CTCFL: variants seen among roughly 807,000 people sequenced by gnomAD.
The protein encoded by CTCFL is CCCTC-binding factor like.
A neutral mutation model predicts 67.4 loss-of-function variants in CTCFL; 36 were observed. The ratio of observed to expected loss-of-function variants is 0.53; its 90% confidence interval spans 0.41 to 0.71. The LOEUF is 0.71. Among genes scored for constraint, CTCFL ranks in the 30% least tolerant of loss-of-function variants. CTCFL has a pLI of 0.00. For synonymous variants in CTCFL, 324 were observed against 302.3 expected, an observed-to-expected ratio of 1.07 and a Z score of -0.75; for missense variants, 786 against 835.2, an observed-to-expected ratio of 0.94 and a Z score of 0.73.
intron 10 of CTCFL, among the ~76,000 whole-genome samples, chr20:57,501,542 G>A (rs887644925): frequency 2.0e-5 from 3 of 152,176 alleles, no homozygotes; most frequent in Admixed American, 6.5e-5. Context: ...TGGTATAAAG[G>A]AATCCAAATG....
At chr20:57,516,615 A>G (rs181417174) in intron 5 of CTCFL, among the ~76,000 whole-genome samples, 45 of 152,354 alleles carry the variant, frequency 3.0e-4, no homozygotes, top group Admixed American at 7.8e-4. Context: ...CCTCATGGTC[A>G]CAAGTCCTGC....
chr20:57,521,560 C>T (rs554930718), intron 3 of CTCFL, among the ~76,000 whole-genome samples: 2 of 152,316 alleles, frequency 1.3e-5, no homozygotes, highest in East Asian at 3.9e-4. Flanking sequence ...AGCAATTCCA[C>T]TCCTAAGTAT....
chr20:57,522,022 G>T (rs1470509207), intron 3 of CTCFL, among the ~76,000 whole-genome samples: 1 of 152,186 alleles, frequency 6.6e-6, no homozygotes, highest in Non-Finnish European at 1.5e-5. Context: ...CTACAAATTT[G>T]AATATATCAA....
intron 10 of CTCFL, 28 bp from the exon 11 acceptor site, chr20:57,498,729 T>C (rs763806247): frequency 6.3e-7 from 1 of 1,586,066 alleles, no homozygotes; most frequent in South Asian, 1.1e-5. Flanking sequence ...GATGAGCAAA[T>C]TTATCAGAAA....
rs755019448 is a variant in CTCFL, at chr20:57,523,981, G to A, written c.225C>T (p.Ser75=). The A allele has an allele frequency of 6.2e-7, 1 of 1,613,130 alleles. No individual in the cohort carries two copies. The highest frequency in any genetic ancestry group is 1.7e-5 in the Admixed American group (1 of 60,016). ...TCTGCAGGGTCAGGATGTACTTCTC[G>A]CTCTCCTCCGAGGGGGCCAGCACCA... ...VELVLAPSEE[S]EKYILTLQTV... is the part of the protein sequence containing the mutation. Residue 75 remains serine (S), a synonymous_variant, in exon 2 of 11, where the codon AGC becomes AGT. Transcript: ENST00000243914.
chr20:57,518,643 A>G, intron 5 of CTCFL, 115 bp downstream of exon 5: 1 of 1,575,922 alleles, frequency 6.3e-7, no homozygotes, highest in Non-Finnish European at 8.7e-7. Context: ...TAAATTTTAT[A>G]TGAATAATAA....
At chr20:57,506,197 A>C (rs955803152) in intron 9 of CTCFL, among the ~76,000 whole-genome samples, 2 of 152,254 alleles carry the variant, frequency 1.3e-5, no homozygotes, top group African/African-American at 2.4e-5. Context: ...AGACTCAAGA[A>C]GTCGTGGCAG....
In CTCFL at chr20:57,511,928, G is replaced by A. The variant is rs543137851; in HGVS notation, c.1491+664C>T. Among the ~76,000 whole-genome samples, 6 of 152,148 alleles carry A rather than the reference G, an allele frequency of 3.9e-5. No individual in the cohort carries two copies. In the East Asian group the frequency reaches 1.2e-3, roughly 29 times the overall value. On this transcript the variant is annotated intron_variant, in intron 8 of 10. Transcript: ENST00000243914. ...ATTTTTTAAAAAAATGTCCACCAACGCCCAATGACTGAGTAAACAGAATTT... is the reference window on the plus strand; with the variant it reads ...ATTTTTTAAAAAAATGTCCACCAACACCCAATGACTGAGTAAACAGAATTT...
Position 57,519,577 on chromosome 20 carries a change from T to C in CTCFL, c.755-200A>G, listed in dbSNP as rs573961685. On this transcript the variant is annotated intron_variant, in intron 3 of 10. Coordinates refer to ENST00000243914, the MANE Select transcript of CTCFL (RefSeq NM_001386993.1). Reference sequence around the variant, plus strand: ...ACAATGCATTTTCGCTGTTTCAAGATGGGCCGATGTCTGTTTCTGGGCACA... The same window carrying C: ...ACAATGCATTTTCGCTGTTTCAAGACGGGCCGATGTCTGTTTCTGGGCACA... Among the ~76,000 whole-genome samples, 4 of 152,352 alleles carry C rather than the reference T, an allele frequency of 2.6e-5. No individual in the cohort carries two copies. The East Asian group carries it at 5.8e-4, about 22-fold the overall frequency.
Position 57,498,266 on chromosome 20 carries a change from C to A in CTCFL, c.*284G>T. ...TTACCCTCTCATTCAAGGTTTAAAA[C>A]TTTTATAAAATACCTGCAATGTTTC... On this transcript the variant is annotated 3_prime_UTR_variant, in exon 11 of 11. Transcript: ENST00000243914. 3.7e-6 allele frequency: 4 copies of A among 1,071,506 alleles called. No homozygotes were observed. The highest frequency in any genetic ancestry group is 4.5e-6 in the Non-Finnish European group (4 of 885,214). The allele number at this position is 1,071,506 out of a possible 1,614,324, so 66.4% of individuals were successfully genotyped here. A position where few individuals can be genotyped will look rare whatever the true frequency, so the allele number is the denominator to read the frequency against.
chr20:57,519,393 A>C lies in CTCFL; in HGVS notation c.755-16T>G. 5 of 1,607,822 alleles carry C rather than the reference A, an allele frequency of 3.1e-6. No individual in the cohort carries two copies. Among genetic ancestry groups the C allele is most frequent in the Non-Finnish European group, 4.3e-6 (5 of 1,175,304 alleles). ...CCTTTTGCTCCTATAGGCAGGAAAT[A>C]GTTTATGTATTTGTTAGAGGTTCAA... On this transcript the variant is annotated splice_polypyrimidine_tract_variant and intron_variant, in intron 3 of 10. Transcript: ENST00000243914.
chr20:57,496,418 C>G, downstream of CTCFL: 1 of 497,610 alleles, frequency 2.0e-6, no homozygotes, highest in South Asian at 3.2e-5. Context: ...TCAGGTATTT[C>G]TTTATAGCAA....
At position 57,523,535 on chromosome 20, in the gene CTCFL, C is replaced by G; in HGVS notation, c.543+128G>C. 14 of 1,316,346 alleles carry G rather than the reference C, an allele frequency of 1.1e-5. 1 individual carries two copies. The South Asian group carries it at 1.7e-4, about 16-fold the overall frequency. The allele number at this position is 1,316,346 out of a possible 1,614,324, so 81.5% of individuals were successfully genotyped here. ...GAACCTAAGAACTCTCAAGATTTTC[C>G]TGGGAAGTATTTGTACTGTCTTTAA... On this transcript the variant is annotated intron_variant, in intron 2 of 10. Coordinates refer to ENST00000243914, the MANE Select transcript of CTCFL (RefSeq NM_001386993.1).
At position 57,523,416 on chromosome 20, in the gene CTCFL, G is replaced by C. The variant is rs900814310; in HGVS notation, c.544-138C>G. 4.1e-6 allele frequency: 4 copies of C among 983,544 alleles called. No individual in the cohort carries two copies. In the Admixed American group the frequency reaches 8.4e-5, roughly 21 times the overall value. The allele number at this position is 983,544 out of a possible 1,614,324, so 60.9% of individuals were successfully genotyped here. ...CACAATGTTAATTATTTCGCATCAG[G>C]GTTGTGGCAGTGAAACTTAACACTT... On this transcript the variant is annotated intron_variant, in intron 2 of 10. Coordinates refer to ENST00000243914, the MANE Select transcript of CTCFL (RefSeq NM_001386993.1).
At chr20:57,511,009 T>C (rs188255027) in intron 8 of CTCFL, among the ~76,000 whole-genome samples, 3 of 152,320 alleles carry the variant, frequency 2.0e-5, no homozygotes, top group South Asian at 2.1e-4. Flanking sequence ...CAAATAACTG[T>C]GGGCATTCTT....
At chr20:57,507,094 C>CTTTGATG in intron 9 of CTCFL, 1 of 976,812 alleles carries the variant, frequency 1.0e-6, no homozygotes, top group Non-Finnish European at 1.2e-6. Flanking sequence ...TTTTAAATGT[C>CTTTGATG]CTGAAATTCT....
chr20:57,507,648 G>A lies in CTCFL; in HGVS notation c.1674+958C>T, dbSNP rs557730300. On this transcript the variant is annotated intron_variant, in intron 9 of 10. Coordinates refer to ENST00000243914, the MANE Select transcript of CTCFL (RefSeq NM_001386993.1). ...AGGCCGGTGCCAGCAGTTGTGTGGC[G>A]GAGCTGTCCTGGAAGTGGATCCTCT... 55 of 703,008 alleles carry A rather than the reference G, an allele frequency of 7.8e-5. 1 individual carries two copies. The highest frequency in any genetic ancestry group is 4.6e-4 in the Middle Eastern group (2 of 4,370). The allele number at this position is 703,008 out of a possible 1,614,324, so 43.5% of individuals were successfully genotyped here.
In CTCFL at chr20:57,518,813, T is replaced by G; in HGVS notation, c.1004A>C (p.Lys335Thr). Residue 335 changes from lysine (K) to threonine (T), a missense_variant, in exon 5 of 11, where the codon AAA becomes ACA. Physicochemically the swap from Lys to Thr is moderately conservative, Grantham distance 78 (BLOSUM62 -1). Around this residue, in one of 3 missense-constraint regions of CTCFL, gnomAD observed 254 missense variants for 333.9 expected, o/e 0.76. Transcript: ENST00000243914. ...SGELVRHRRY[K>T]HTHEKPFKCS... ...TTTAAAGGGTTTCTCATGAGTATGT[T>G]TATAGCGCCTGTGTCGGACGAGTTC... The G allele has an allele frequency of 6.2e-7, 1 of 1,614,162 alleles. No homozygotes were observed. The highest frequency in any genetic ancestry group is 8.5e-7 in the Non-Finnish European group (1 of 1,180,026).
chr20:57,505,457 C>T (rs1238197781), intron 9 of CTCFL, among the ~76,000 whole-genome samples: 1 of 151,850 alleles, frequency 6.6e-6, no homozygotes, highest in Admixed American at 6.6e-5. Flanking sequence ...GGGGTTTCAC[C>T]ATGTTAGCCA....
Sources: gnomAD v4.1 joint callset for allele counts (sites outside exome capture counted in the v4.1 genomes callset) on GRCh38, gnomAD v4.1.1 for gene constraint, gnomAD v4.1.1 regional missense constraint, MANE v1.5 for transcripts, NCBI Gene and HGNC (gene_info 2026-07-23, HGNC 2026-07-21) for gene names.